The following PAPSS1 variants were observed in gnomAD, a reference collection of about 807,000 sequenced individuals.
PAPSS1 encodes the protein 3'-phosphoadenosine 5'-phosphosulfate synthase 1, also known as bifunctional 3'-phosphoadenosine 5'-phosphosulfate synthase 1.
Under a neutral mutation model 72.0 loss-of-function variants are expected in PAPSS1, and 50 were observed. The observed-to-expected ratio is 0.69, with a 90% CI of 0.55 to 0.88. The LOEUF is 0.88. Among genes scored for constraint, PAPSS1 ranks in the 40% least tolerant of loss-of-function variants. PAPSS1 has a pLI of 0.00. For synonymous variants in PAPSS1, 261 were observed against 263.6 expected (o/e 0.99, Z 0.09); for missense variants, 657 against 782.2 (o/e 0.84, Z 1.91).
At chr4:107,720,031 G>A in intron 1 of PAPSS1, 89 bp downstream of exon 1, 1 of 1,562,814 alleles carries the variant, frequency 6.4e-7, no homozygotes. Context: ...GATGGATGCG[G>A]AGGAGGCGGG....
At chr4:107,707,203 G>A (rs9996540) in intron 1 of PAPSS1, among the ~76,000 whole-genome samples, 5,909 of 152,238 alleles carry the variant, frequency 0.039, 398 homozygotes, top group African/African-American at 0.13. Context: ...AGGGCTGTGT[G>A]GGCCAACCTG....
At chr4:107,652,744 T>C (rs1465049594) in intron 9 of PAPSS1, among the ~76,000 whole-genome samples, 3 of 152,314 alleles carry the variant, frequency 2.0e-5, no homozygotes, top group East Asian at 3.9e-4. Flanking sequence ...TTGGTGATGT[T>C]AGGCTTAACC....
At chr4:107,718,791 C>G (rs544057696) in intron 1 of PAPSS1, among the ~76,000 whole-genome samples, 3 of 152,312 alleles carry the variant, frequency 2.0e-5, no homozygotes, top group Non-Finnish European at 4.4e-5. Flanking sequence ...TTTCCCTAAC[C>G]GTGAAACACC....
chr4:107,711,791 C>T (rs1386224752), intron 1 of PAPSS1, among the ~76,000 whole-genome samples: 1 of 152,188 alleles, frequency 6.6e-6, no homozygotes, highest in Non-Finnish European at 1.5e-5. Flanking sequence ...ACCTTTAGTT[C>T]ACAGAGTTAA....
intron 3 of PAPSS1, among the ~76,000 whole-genome samples, chr4:107,688,529 T>C (rs1357103400): frequency 1.3e-5 from 2 of 152,186 alleles, no homozygotes; most frequent in Non-Finnish European, 2.9e-5. Flanking sequence ...CTTTTCAGTA[T>C]TTAAAATACC....
intron 9 of PAPSS1, among the ~76,000 whole-genome samples, chr4:107,646,535 A>C (rs1726700963): frequency 6.6e-6 from 1 of 152,140 alleles, no homozygotes; most frequent in African/African-American, 2.4e-5. Context: ...GGGCAAGAAA[A>C]GTACAACATG....
chr4:107,699,597 A>G (rs1723159227), intron 2 of PAPSS1, among the ~76,000 whole-genome samples: 1 of 152,178 alleles, frequency 6.6e-6, no homozygotes. Context: ...TCAACTGCAG[A>G]TAAGGACCTA....
chr4:107,662,510 G>A (rs1023499304), intron 5 of PAPSS1, among the ~76,000 whole-genome samples: 12 of 151,722 alleles, frequency 7.9e-5, no homozygotes, highest in Non-Finnish European at 1.6e-4. Flanking sequence ...ACTAAAGAGG[G>A]CATATCTTAA....
In PAPSS1 at chr4:107,663,615, C is replaced by G. The variant is rs537300952; in HGVS notation, c.670-3543G>C. 1.4e-4 allele frequency among the ~76,000 whole-genome samples: 22 copies of G among 151,766 alleles called. 1 individual carries two copies. The South Asian group carries it at 4.4e-3, about 30-fold the overall frequency. On this transcript the variant is annotated intron_variant, in intron 5 of 11. Coordinates refer to ENST00000265174, the MANE Select transcript of PAPSS1 (RefSeq NM_005443.5). ...GAGGAAATCGAGGCCTAAGAGAGGT[C>G]AACAACTTGACCCAAATCCCTGCAA...
At chr4:107,709,169 T>C (rs1431056953) in intron 1 of PAPSS1, among the ~76,000 whole-genome samples, 1 of 152,240 alleles carries the variant, frequency 6.6e-6, no homozygotes, top group Non-Finnish European at 1.5e-5. Flanking sequence ...TTTTTAACAA[T>C]ATTTTTCATA....
chr4:107,639,261 A>G (rs1317632265), intron 10 of PAPSS1, among the ~76,000 whole-genome samples: 1 of 152,244 alleles, frequency 6.6e-6, no homozygotes, highest in East Asian at 1.9e-4. Flanking sequence ...TTCAAGACAT[A>G]TATAAGCTAA....
chr4:107,686,671 ATT>A (rs374240296), intron 4 of PAPSS1, among the ~76,000 whole-genome samples: 6 of 152,324 alleles, frequency 3.9e-5, no homozygotes, highest in South Asian at 2.1e-4. Context: ...TAATTCAGGC[ATT>A]TTTTCCAATA....
intron 3 of PAPSS1, among the ~76,000 whole-genome samples, chr4:107,693,490 G>A (rs770265098): frequency 6.6e-6 from 1 of 152,154 alleles, no homozygotes; most frequent in Non-Finnish European, 1.5e-5. Context: ...TTGAAAAGTT[G>A]AGCCTGAAAT....
At chr4:107,679,602 A>C (rs1163082941) in intron 5 of PAPSS1, among the ~76,000 whole-genome samples, 1 of 152,046 alleles carries the variant, frequency 6.6e-6, no homozygotes, top group Non-Finnish European at 1.5e-5. Flanking sequence ...AAAACTACCC[A>C]CTGTCAAGAG....
At chr4:107,641,518 A>G (rs975671451) in intron 10 of PAPSS1, among the ~76,000 whole-genome samples, 1 of 152,180 alleles carries the variant, frequency 6.6e-6, no homozygotes, top group Non-Finnish European at 1.5e-5. Flanking sequence ...TCTTTGACAG[A>G]CTACAGTTAA....
At chr4:107,694,300 T>TA (rs1388626402) in intron 2 of PAPSS1, 2 of 333,100 alleles carry the variant, frequency 6.0e-6, no homozygotes, top group Non-Finnish European at 1.1e-5. Context: ...TCAAGAGATA[T>TA]AAAAAATTGC....
At chr4:107,645,613 A>T (rs1334784497) in intron 9 of PAPSS1, among the ~76,000 whole-genome samples, 1 of 152,232 alleles carries the variant, frequency 6.6e-6, no homozygotes, top group Non-Finnish European at 1.5e-5. Flanking sequence ...AAAGGTCTGA[A>T]TTTTGGATTA....
intron 10 of PAPSS1, among the ~76,000 whole-genome samples, chr4:107,636,518 A>G (rs1330219824): frequency 6.6e-6 from 1 of 152,298 alleles, no homozygotes; most frequent in East Asian, 1.9e-4. Context: ...AACTCAAGGA[A>G]GACGAGGAAT....
At chr4:107,702,659 G>A (rs1016600902) in intron 1 of PAPSS1, among the ~76,000 whole-genome samples, 6 of 152,190 alleles carry the variant, frequency 3.9e-5, no homozygotes, top group African/African-American at 1.4e-4. Context: ...TATCATCCAT[G>A]TGGTAACAAA....
Sources: allele counts gnomAD v4.1 joint callset (sites outside exome capture counted in the v4.1 genomes callset), GRCh38; gene constraint gnomAD v4.1.1; transcripts MANE v1.5; gene names NCBI Gene and HGNC (gene_info 2026-07-23, HGNC 2026-07-21).